The following STX8 variants were observed in gnomAD, a reference collection of about 807,000 sequenced individuals.
STX8 encodes syntaxin-8.
STX8 carries 23 observed loss-of-function variants against 37.5 expected under a neutral mutation model. The observed-to-expected ratio is 0.61, with a 90% CI of 0.44 to 0.87. The LOEUF (loss-of-function observed/expected upper bound fraction) is 0.87. Among genes scored for constraint, STX8 ranks in the 40% least tolerant of loss-of-function variants. The pLI, the probability that STX8 is intolerant of heterozygous loss-of-function variation, is 0.00. For missense variants in STX8, 313 were observed against 284.7 expected, an observed-to-expected ratio of 1.10 and a Z score of -0.71; for synonymous variants, 115 against 99.1, an observed-to-expected ratio of 1.16 and a Z score of -0.95.
chr17:9,414,319 AC>A (rs1567549896), intron 6 of STX8, among the ~76,000 whole-genome samples: 1 of 151,688 alleles, frequency 6.6e-6, no homozygotes, highest in African/African-American at 2.4e-5. Context: ...GTGGTGCAGA[AC>A]TTTTTTTTTT....
chr17:9,271,345 T>G (rs1322946749), intron 7 of STX8, among the ~76,000 whole-genome samples: 1 of 152,148 alleles, frequency 6.6e-6, no homozygotes, highest in Non-Finnish European at 1.5e-5. Context: ...TCCCAATTAC[T>G]CAGGTGGCTG....
intron 7 of STX8, among the ~76,000 whole-genome samples, chr17:9,302,264 A>G (rs1908814759): frequency 6.6e-6 from 1 of 152,108 alleles, no homozygotes; most frequent in Non-Finnish European, 1.5e-5. Flanking sequence ...ACCCCTTCTC[A>G]TCCTTAATAT....
At chr17:9,393,591 T>A (rs958829146) in intron 6 of STX8, among the ~76,000 whole-genome samples, 1 of 152,192 alleles carries the variant, frequency 6.6e-6, no homozygotes, top group Admixed American at 6.5e-5. Flanking sequence ...ATACACTCCA[T>A]GTGAAAAGAT....
intron 6 of STX8, chr17:9,467,327 T>C (rs1172721323): frequency 6.6e-6 from 1 of 152,186 alleles, no homozygotes; most frequent in Non-Finnish European, 1.5e-5. Context: ...CTTCCAGAGC[T>C]CTCTGTCTTA....
At position 9,315,457 on chromosome 17, in the gene STX8, T is replaced by C. The variant is rs1453721282; in HGVS notation, c.643+63095A>G. On this transcript the variant is annotated intron_variant, in intron 7 of 7. Coordinates refer to ENST00000306357, the MANE Select transcript of STX8 (RefSeq NM_004853.3). ...CTGAGTCTTCCATCTCACCCTTTGA[T>C]GTAAAGAGCCCAATTCTAATGCATT... Among the ~76,000 whole-genome samples the C allele has an allele frequency of 2.6e-5, 4 of 152,292 alleles. No individual in the cohort carries two copies. In the East Asian group the frequency reaches 7.7e-4, roughly 29 times the overall value.
intron 6 of STX8, among the ~76,000 whole-genome samples, chr17:9,489,297 C>A (rs1385445766): frequency 6.6e-6 from 1 of 152,074 alleles, no homozygotes; most frequent in African/African-American, 2.4e-5. Flanking sequence ...AAAACAACAA[C>A]AAAAAAGAAA....
intron 6 of STX8, among the ~76,000 whole-genome samples, chr17:9,409,743 T>C (rs1912919829): frequency 6.6e-6 from 1 of 152,222 alleles, no homozygotes; most frequent in African/African-American, 2.4e-5. Context: ...AATATCCTTT[T>C]CCAATTATCT....
intron 6 of STX8, among the ~76,000 whole-genome samples, chr17:9,395,941 G>A (rs988891571): frequency 3.9e-5 from 6 of 152,226 alleles, no homozygotes; most frequent in African/African-American, 1.4e-4. Context: ...TGAGGACACA[G>A]TGCAAAAAGC....
At position 9,471,031 on chromosome 17, in the gene STX8, C is replaced by CTTTTTTTTTTTTTTTT. The variant is rs757411419; in HGVS notation, c.541+20782_541+20797dup. Among the ~76,000 whole-genome samples the CTTTTTTTTTTTTTTTT allele has an allele frequency of 2.4e-3, 78 of 33,056 alleles. 23 individuals carry two copies. The highest frequency in any genetic ancestry group is 4.1e-3 in the South Asian group (2 of 482). The allele number at this position is 33,056 out of a possible 152,430, so 21.7% of individuals were successfully genotyped here. A position where few individuals can be genotyped will look rare whatever the true frequency, so the allele number is the denominator to read the frequency against. On this transcript the variant is annotated intron_variant, in intron 6 of 7. Coordinates refer to ENST00000306357, the MANE Select transcript of STX8 (RefSeq NM_004853.3). ...TACAGGCGTGAGCCACTGCATCCTG[C>CTTTTTTTTTTTTTTTT]TTTTTTTTTTTTTTTTTTTTTTTGA... is the stretch of plus-strand genomic sequence containing the variant.
At chr17:9,266,999 C>T (rs1327186535) in intron 7 of STX8, among the ~76,000 whole-genome samples, 2 of 152,146 alleles carry the variant, frequency 1.3e-5, no homozygotes, top group Admixed American at 1.3e-4. Flanking sequence ...GTCAACATTC[C>T]GCAGTCTGAA....
chr17:9,364,549 A>C (rs1209854250), intron 7 of STX8, among the ~76,000 whole-genome samples: 1 of 151,756 alleles, frequency 6.6e-6, no homozygotes, highest in African/African-American at 2.4e-5. Context: ...TTTTTTTTTG[A>C]GACAGTTTTT....
chr17:9,377,178 T>C (rs1331428561), intron 7 of STX8, among the ~76,000 whole-genome samples: 4 of 152,166 alleles, frequency 2.6e-5, no homozygotes, highest in African/African-American at 9.7e-5. Flanking sequence ...TCAGGGACCC[T>C]TGCCCAGAGC....
Position 9,350,524 on chromosome 17 carries a change from TTTTTTG to T in STX8, c.643+28022_643+28027del, listed in dbSNP as rs541551732. Among the ~76,000 whole-genome samples, 702 of 152,182 alleles carry T rather than the reference TTTTTTG, an allele frequency of 4.6e-3. 7 individuals are homozygous for T. The highest frequency in any genetic ancestry group is 0.016 in the African/African-American group (649 of 41,498). On this transcript the variant is annotated intron_variant, in intron 7 of 7. Coordinates refer to ENST00000306357, the MANE Select transcript of STX8 (RefSeq NM_004853.3). ...ATCTTGCTCACACTAAAGTGTTTTT[TTTTTTG>T]TTTTTGTTTTTGTTTTCTTTTTTTG...
intron 7 of STX8, among the ~76,000 whole-genome samples, chr17:9,338,922 T>A (rs928553027): frequency 4.6e-5 from 7 of 151,774 alleles, no homozygotes; most frequent in African/African-American, 1.7e-4. Flanking sequence ...ATACAAAAAA[T>A]TAGCTGGTTG....
At chr17:9,532,764 A>G (rs913980905) in intron 4 of STX8, among the ~76,000 whole-genome samples, 1 of 152,192 alleles carries the variant, frequency 6.6e-6, no homozygotes, top group East Asian at 1.9e-4. Flanking sequence ...ATACCTCATC[A>G]TATGACATAT....
At chr17:9,313,488 G>C (rs1909266679) in intron 7 of STX8, among the ~76,000 whole-genome samples, 1 of 152,240 alleles carries the variant, frequency 6.6e-6, no homozygotes, top group Non-Finnish European at 1.5e-5. Flanking sequence ...TGCTGCAGCT[G>C]TCTGCCAAGG....
intron 4 of STX8, among the ~76,000 whole-genome samples, chr17:9,531,801 C>T (rs1390572610): frequency 6.7e-6 from 1 of 149,010 alleles, no homozygotes; most frequent in African/African-American, 2.5e-5. Flanking sequence ...TTTCATTTTA[C>T]TTATTTCTAC....
At chr17:9,545,149 C>T (rs553903826) in intron 4 of STX8, 23 bp downstream of exon 4, 4 of 1,542,762 alleles carry the variant, frequency 2.6e-6, no homozygotes, top group South Asian at 1.1e-5. Flanking sequence ...ACCAAGTAAT[C>T]CCTGTAAATA....
At chr17:9,374,924 T>G (rs1308396185) in intron 7 of STX8, among the ~76,000 whole-genome samples, 1 of 151,490 alleles carries the variant, frequency 6.6e-6, no homozygotes, top group Non-Finnish European at 1.5e-5. Context: ...ATTAGCTGGG[T>G]GTGGTGGTGC....
Sources: gnomAD v4.1 joint callset for allele counts (sites outside exome capture counted in the v4.1 genomes callset) on GRCh38, gnomAD v4.1.1 for gene constraint, MANE v1.5 for transcripts, NCBI Gene and HGNC (gene_info 2026-07-23, HGNC 2026-07-21) for gene names.